Variants in TYR observed in about 807,000 individuals in gnomAD.
TYR encodes LB24-AB.
In TYR, 58 loss-of-function variants were observed where a neutral mutation model predicts 51.5. The observed-to-expected ratio is 1.13, with a 90% CI of 0.91 to 1.40. TYR has a LOEUF of 1.40. Ranked by LOEUF, TYR falls within the 40% of genes most tolerant of loss-of-function variation. The pLI, the probability that TYR is intolerant of heterozygous loss-of-function variation, is 0.00. For synonymous variants in TYR, 263 were observed against 235.2 expected, an observed-to-expected ratio of 1.12 and a Z score of -1.08; for missense variants, 732 against 647.4, an observed-to-expected ratio of 1.13 and a Z score of -1.42.
At chr11:89,241,856 G>A (rs1393783394) in intron 3 of TYR, among the ~76,000 whole-genome samples, 1 of 147,960 alleles carries the variant, frequency 6.8e-6, no homozygotes, top group African/African-American at 2.5e-5. Flanking sequence ...TAATATAATA[G>A]TGAAATTGTC....
chr11:89,243,115 G>A (rs2155148), intron 3 of TYR, among the ~76,000 whole-genome samples: 69,301 of 152,082 alleles, frequency 0.46, 16,950 homozygotes, highest in African/African-American at 0.65. Flanking sequence ...TCAAAAGTTT[G>A]TAGGTTTTGC....
chr11:89,227,215 C>G (rs1943987503), intron 2 of TYR, among the ~76,000 whole-genome samples: 1 of 152,016 alleles, frequency 6.6e-6, no homozygotes, highest in African/African-American at 2.4e-5. Context: ...TAAAATTTTT[C>G]CCATTATTAC....
intron 2 of TYR, among the ~76,000 whole-genome samples, chr11:89,217,690 C>G (rs970091134): frequency 6.6e-6 from 1 of 152,140 alleles, no homozygotes; most frequent in Admixed American, 6.5e-5. Context: ...CCTCTAGGAT[C>G]CAGTAATTCC....
At chr11:89,278,355 C>T (rs1944680925) in intron 3 of TYR, among the ~76,000 whole-genome samples, 1 of 151,544 alleles carries the variant, frequency 6.6e-6, no homozygotes, top group Non-Finnish European at 1.5e-5. Context: ...CACTAGACTC[C>T]AAATACTATA....
chr11:89,278,249 C>T (rs551072624), intron 3 of TYR, among the ~76,000 whole-genome samples: 2 of 151,642 alleles, frequency 1.3e-5, no homozygotes, highest in South Asian at 2.1e-4. Flanking sequence ...ATGAGGCTTC[C>T]CCATTAAATC....
intron 2 of TYR, 147 bp from the exon 3 acceptor site, chr11:89,227,676 A>G: frequency 2.8e-6 from 2 of 725,482 alleles, no homozygotes; most frequent in Non-Finnish European, 4.5e-6. Context: ...TCCAGAATGT[A>G]AAGAGTCTCA....
chr11:89,288,516 T>C (rs1225033373), intron 4 of TYR, among the ~76,000 whole-genome samples: 4 of 152,030 alleles, frequency 2.6e-5, no homozygotes, highest in African/African-American at 4.8e-5. Flanking sequence ...CAATGAGTCA[T>C]ATTAGAAGCT....
intron 3 of TYR, among the ~76,000 whole-genome samples, chr11:89,241,138 G>A (rs1423755966): frequency 1.3e-5 from 2 of 152,194 alleles, no homozygotes; most frequent in Non-Finnish European, 2.9e-5. Context: ...GATGGTGTCT[G>A]TAAATGCTCT....
Position 89,213,930 on chromosome 11 carries a change from C to G in TYR, c.1037-13893C>G, listed in dbSNP as rs556981984. On this transcript the variant is annotated intron_variant, in intron 2 of 4. Transcript: ENST00000263321. ...CTGGATCCCTTCCTTACACCTTACA[C>G]AAAAATTAACTCAATATGGATTAAA... Among the ~76,000 whole-genome samples the G allele has an allele frequency of 4.6e-5, 7 of 152,258 alleles. No homozygotes were observed. The South Asian group carries it at 1.5e-3, about 32-fold the overall frequency.
At chr11:89,191,979 T>C (rs576026024) in intron 2 of TYR, 4 of 441,724 alleles carry the variant, frequency 9.1e-6, no homozygotes, top group African/African-American at 8.2e-5. Context: ...TCCTACGTTT[T>C]AGTGTTTTAG....
At chr11:89,198,935 G>A (rs957394529) in intron 2 of TYR, among the ~76,000 whole-genome samples, 3 of 151,814 alleles carry the variant, frequency 2.0e-5, no homozygotes, top group South Asian at 2.1e-4. Context: ...GACAGGCCCC[G>A]GTGTGTAATG....
At chr11:89,253,136 T>C (rs1944349273) in intron 3 of TYR, among the ~76,000 whole-genome samples, 1 of 151,762 alleles carries the variant, frequency 6.6e-6, no homozygotes, top group African/African-American at 2.4e-5. Context: ...TATGCTCTCT[T>C]TCTGTACTTG....
chr11:89,290,193 C>T (rs527770431), intron 4 of TYR, among the ~76,000 whole-genome samples: 5 of 152,032 alleles, frequency 3.3e-5, no homozygotes, highest in East Asian at 1.9e-4. Context: ...CAAAAAATTA[C>T]GATATTGGGA....
chr11:89,295,253 G>A lies in TYR; in HGVS notation c.1477G>A (p.Ala493Thr), dbSNP rs146020203. The A allele has an allele frequency of 3.1e-6, 5 of 1,613,838 alleles. No homozygotes were observed. The African/African-American group carries it at 6.7e-5, about 22-fold the overall frequency. Residue 493 changes from alanine to threonine, a missense_variant, in exon 5 of 5, where the codon GCA becomes ACA. Coordinates refer to ENST00000263321, the MANE Select transcript of TYR (RefSeq NM_000372.5). ...MVGAVLTALL[A>T]GLVSLLCRHK... ...AGGGGCCGTCCTCACTGCCCTGCTG[G>A]CAGGGCTTGTGAGCTTGCTGTGTCG...
chr11:89,257,921 A>G (rs1314326468), intron 3 of TYR, among the ~76,000 whole-genome samples: 1 of 152,058 alleles, frequency 6.6e-6, no homozygotes, highest in South Asian at 2.1e-4. Context: ...AATTTCATGC[A>G]TATAGTCTTT....
At chr11:89,187,477 G>T (rs1012405257) in intron 1 of TYR, among the ~76,000 whole-genome samples, 1 of 152,110 alleles carries the variant, frequency 6.6e-6, no homozygotes, top group Non-Finnish European at 1.5e-5. Context: ...ATAATATGGA[G>T]TCTTTGAAGG....
chr11:89,239,628 C>G (rs1245287387), intron 3 of TYR, among the ~76,000 whole-genome samples: 1 of 151,868 alleles, frequency 6.6e-6, no homozygotes, highest in African/African-American at 2.4e-5. Flanking sequence ...TTTTGAAGTA[C>G]AGCATTGGAT....
chr11:89,257,292 C>A (rs1944404700), intron 3 of TYR, among the ~76,000 whole-genome samples: 1 of 151,954 alleles, frequency 6.6e-6, no homozygotes, highest in Non-Finnish European at 1.5e-5. Flanking sequence ...CATTGATACA[C>A]ATTTACCCTC....
intron 2 of TYR, among the ~76,000 whole-genome samples, chr11:89,198,590 CAT>C (rs771599970): frequency 2.0e-5 from 3 of 152,134 alleles, no homozygotes; most frequent in South Asian, 2.1e-4. Flanking sequence ...ATACTCCTCA[CAT>C]GTTATCTTAT....
Sources: allele counts gnomAD v4.1 joint callset (sites outside exome capture counted in the v4.1 genomes callset), GRCh38; gene constraint gnomAD v4.1.1; transcripts MANE v1.5; gene names NCBI Gene and HGNC (gene_info 2026-07-23, HGNC 2026-07-21).